WRN: variants seen among roughly 807,000 people sequenced by gnomAD.
The protein encoded by WRN is WRN RecQ like helicase, also known as bifunctional 3'-5' exonuclease/ATP-dependent helicase WRN.
Under a neutral mutation model 180.7 loss-of-function variants are expected in WRN, and 149 were observed. The observed-to-expected ratio is 0.82, with a 90% CI of 0.72 to 0.94. The LOEUF (loss-of-function observed/expected upper bound fraction) is 0.94. Ranked by LOEUF, WRN falls within the 40% of genes least tolerant of loss-of-function variation. The probability of loss-of-function intolerance (pLI) is 0.00; values close to 1 mark genes in which losing one functional copy is unlikely to be tolerated. For missense variants in WRN, 1,661 were observed against 1,700.1 expected, an observed-to-expected ratio of 0.98 and a Z score of 0.40; for synonymous variants, 548 against 568.9, an observed-to-expected ratio of 0.96 and a Z score of 0.52.
At position 31,174,522 on chromosome 8, in the gene WRN, C is replaced by T. The variant is rs933617207; in HGVS notation, c.*1420C>T. Reference sequence around the variant, plus strand: ...AAATTGAACTAAGTTGGCCTCTTCACGGAAAACAACTGGTATTTGTTGTGC... The same window carrying T: ...AAATTGAACTAAGTTGGCCTCTTCATGGAAAACAACTGGTATTTGTTGTGC... On this transcript the variant is annotated 3_prime_UTR_variant, in exon 35 of 35. Transcript: ENST00000298139. Among the ~76,000 whole-genome samples, 30 of 152,140 alleles carry T rather than the reference C, an allele frequency of 2.0e-4. No individual in the cohort carries two copies. Among genetic ancestry groups the T allele is most frequent in the Non-Finnish European group, 3.5e-4 (24 of 68,020 alleles).
intron 31 of WRN, among the ~76,000 whole-genome samples, chr8:31,152,863 A>G (rs1216207350): frequency 6.6e-6 from 1 of 152,030 alleles, no homozygotes; most frequent in Non-Finnish European, 1.5e-5. Flanking sequence ...ACATAGTGAG[A>G]CCCGACCTCT....
At chr8:31,130,993 T>A (rs1371127087) in intron 23 of WRN, among the ~76,000 whole-genome samples, 2 of 151,746 alleles carry the variant, frequency 1.3e-5, no homozygotes, top group Non-Finnish European at 2.9e-5. Context: ...TCGAAGTCAA[T>A]CTAAACATAT....
intron 21 of WRN, among the ~76,000 whole-genome samples, 162 bp downstream of exon 21, chr8:31,120,586 A>G (rs1382961534): frequency 2.0e-5 from 3 of 151,652 alleles, no homozygotes; most frequent in Non-Finnish European, 4.4e-5. Flanking sequence ...AATCCAGAGG[A>G]CATGTAAGAA....
chr8:31,100,205 T>C (rs1186575972), intron 17 of WRN, among the ~76,000 whole-genome samples: 1 of 152,212 alleles, frequency 6.6e-6, no homozygotes, highest in African/African-American at 2.4e-5. Context: ...TACAACACAC[T>C]ATTGATTCCG....
intron 17 of WRN, among the ~76,000 whole-genome samples, chr8:31,099,891 T>C (rs1357367974): frequency 1.3e-5 from 2 of 152,154 alleles, no homozygotes; most frequent in Admixed American, 1.3e-4. Flanking sequence ...ATTTTACTTG[T>C]GAGAGGACTG....
chr8:31,124,530 T>C lies in WRN; in HGVS notation c.2639T>C (p.Leu880Pro). 4 of 1,612,260 alleles carry C rather than the reference T, an allele frequency of 2.5e-6. No individual in the cohort carries two copies. Among genetic ancestry groups the C allele is most frequent in the Non-Finnish European group, 3.4e-6 (4 of 1,178,658 alleles). ...ATGTTTTTAATCGACAGGCACCTTCTTACTGAGATACGTAATGAGAAGTTT... is the reference window on the plus strand; with the variant it reads ...ATGTTTTTAATCGACAGGCACCTTCCTACTGAGATACGTAATGAGAAGTTT... ...PADINLNRHL[L>P]TEIRNEKFRL... Residue 880 changes from leucine (L) to proline (P), a missense_variant, in exon 22 of 35, where the codon CTT becomes CCT. Leu to Pro is a moderately conservative substitution (Grantham distance 98). Transcript: ENST00000298139.
At chr8:31,163,337 C>T (rs917343091) in intron 33 of WRN, among the ~76,000 whole-genome samples, 1 of 152,170 alleles carries the variant, frequency 6.6e-6, no homozygotes, top group African/African-American at 2.4e-5. Context: ...ACAAAGTTAT[C>T]GAACTTTAGA....
At chr8:31,041,583 G>A (rs1182983547) in intron 1 of WRN, among the ~76,000 whole-genome samples, 1 of 152,224 alleles carries the variant, frequency 6.6e-6, no homozygotes, top group East Asian at 1.9e-4. Flanking sequence ...ATAGATTTCA[G>A]GGTAAGAGCC....
intron 18 of WRN, among the ~76,000 whole-genome samples, chr8:31,104,385 T>C (rs1453417157): frequency 2.0e-5 from 3 of 152,250 alleles, no homozygotes; most frequent in Admixed American, 6.5e-5. Context: ...GCTTGTTTTT[T>C]TCTGTTGAGT....
At chr8:31,137,942 A>C (rs777018666) in intron 24 of WRN, among the ~76,000 whole-genome samples, 4 of 152,086 alleles carry the variant, frequency 2.6e-5, no homozygotes, top group Admixed American at 6.5e-5. Context: ...CTACAAAAAA[A>C]GTTTTAAAAA....
chr8:31,040,798 T>C (rs1811623345), intron 1 of WRN, among the ~76,000 whole-genome samples: 1 of 152,206 alleles, frequency 6.6e-6, no homozygotes, highest in Admixed American at 6.5e-5. Flanking sequence ...AGAATAATAA[T>C]GGAGCAGTTA....
At chr8:31,158,664 A>G (rs1803485055) in intron 33 of WRN, among the ~76,000 whole-genome samples, 1 of 152,172 alleles carries the variant, frequency 6.6e-6, no homozygotes, top group South Asian at 2.1e-4. Flanking sequence ...CTCTGAAAGC[A>G]CAGTCAATAC....
intron 18 of WRN, among the ~76,000 whole-genome samples, chr8:31,106,540 C>T (rs1019262775): frequency 2.0e-5 from 3 of 152,154 alleles, no homozygotes; most frequent in African/African-American, 7.2e-5. Flanking sequence ...AGGCATGCTT[C>T]AGTGCCTGGG....
chr8:31,139,999 C>CTTTTTTTTTT (rs1563375284), intron 24 of WRN, among the ~76,000 whole-genome samples: 10 of 74,700 alleles, frequency 1.3e-4, no homozygotes, highest in African/African-American at 5.3e-4. Context: ...TTGTATACTT[C>CTTTTTTTTTT]TTTGTTTTTT....
intron 13 of WRN, 56 bp downstream of exon 13, chr8:31,089,021 G>A (rs746396278): frequency 4.2e-5 from 63 of 1,504,752 alleles, no homozygotes; most frequent in East Asian, 4.7e-5. Context: ...TTAAAACAAG[G>A]GAAAAGGCAA....
intron 17 of WRN, among the ~76,000 whole-genome samples, chr8:31,099,553 T>TG (rs1312536065): frequency 6.6e-6 from 1 of 151,190 alleles, no homozygotes; most frequent in East Asian, 1.9e-4. Flanking sequence ...TAGGTTTTTT[T>TG]TTTGTTTGTT....
chr8:31,060,993 G>C (rs1049115358), intron 3 of WRN, among the ~76,000 whole-genome samples: 2 of 152,102 alleles, frequency 1.3e-5, no homozygotes, highest in African/African-American at 2.4e-5. Flanking sequence ...TTTTTGATCT[G>C]TGTGGGCTTA....
Position 31,059,164 on chromosome 8 carries a change from G to C in WRN, c.108G>C (p.Arg36=), listed in dbSNP as rs1385455441. The C allele has an allele frequency of 5.6e-6, 9 of 1,613,664 alleles. No homozygotes were observed. In the East Asian group the frequency reaches 1.8e-4, roughly 32 times the overall value. The change falls in exon 3 of 35, where the codon CGG becomes CGC. Residue 36 remains arginine, a synonymous_variant. Transcript: ENST00000298139. ...TTACTAAACTCAAGGCATGTGTTCGGAAGAGTGTTTTTGAAGATGACCTCC... is the reference window on the plus strand; with the variant it reads ...TTACTAAACTCAAGGCATGTGTTCGCAAGAGTGTTTTTGAAGATGACCTCC... The part of the protein sequence containing the change: ...CAVEERKACV[R]KSVFEDDLPF...
At chr8:31,076,658 G>A (rs1385202533) in intron 8 of WRN, among the ~76,000 whole-genome samples, 2 of 152,050 alleles carry the variant, frequency 1.3e-5, no homozygotes, top group Non-Finnish European at 2.9e-5. Context: ...GAGTATCTTT[G>A]ATTTAATAAC....
Sources: allele counts gnomAD v4.1 joint callset (sites outside exome capture counted in the v4.1 genomes callset), GRCh38; gene constraint gnomAD v4.1.1; transcripts MANE v1.5; gene names NCBI Gene and HGNC (gene_info 2026-07-23, HGNC 2026-07-21).